PAPOLA: variants seen among roughly 807,000 people sequenced by gnomAD.
PAPOLA encodes the protein poly(A) polymerase alpha.
PAPOLA carries 15 observed loss-of-function variants against 100.6 expected under a neutral mutation model. The ratio of observed to expected loss-of-function variants is 0.15; its 90% CI spans 0.10 to 0.23. PAPOLA has a LOEUF of 0.23. Ranked by LOEUF, PAPOLA falls within the 10% of genes least tolerant of loss-of-function variation. The pLI is 1.00. For synonymous variants in PAPOLA, 293 were observed against 300.0 expected, an observed-to-expected ratio of 0.98 and a Z score of 0.24; for missense variants, 533 against 884.2, an observed-to-expected ratio of 0.60 and a Z score of 5.04.
intron 10 of PAPOLA, 81 bp downstream of exon 10, chr14:96,534,644 T>G: frequency 2.5e-6 from 4 of 1,605,526 alleles, no homozygotes; most frequent in Non-Finnish European, 3.4e-6. Context: ...CCAGGGAGAC[T>G]TCCAGCCTTT....
chr14:96,527,950 T>C lies in PAPOLA; in HGVS notation c.442-3T>C, dbSNP rs763197708. The C allele has an allele frequency of 5.0e-6, 8 of 1,602,286 alleles. No homozygotes were observed. In the East Asian group the frequency reaches 1.3e-4, roughly 27 times the overall value. ...ACCCTGAACTTGTTTACTTTCCTTA[T>C]AGGCTGTTGAAGAGGCATTCGTACC... On this transcript the variant is annotated splice_region_variant and splice_polypyrimidine_tract_variant and intron_variant, in intron 5 of 21. Coordinates refer to ENST00000216277, the MANE Select transcript of PAPOLA (RefSeq NM_032632.5).
intron 19 of PAPOLA, among the ~76,000 whole-genome samples, chr14:96,557,347 A>G (rs935373110): frequency 6.6e-6 from 1 of 152,240 alleles, no homozygotes; most frequent in African/African-American, 2.4e-5. Context: ...ATGCTTTGCA[A>G]GCTGGTATTA....
At chr14:96,534,443 A>G (rs1227524039) in intron 9 of PAPOLA, 48 bp from the exon 10 acceptor site, 2 of 1,597,728 alleles carry the variant, frequency 1.3e-6, no homozygotes, top group African/African-American at 1.3e-5. Context: ...ATACGTTTAG[A>G]TGGTAATATC....
At chr14:96,534,613 T>TAA (rs745555758) in intron 10 of PAPOLA, 50 bp downstream of exon 10, 1 of 1,612,824 alleles carries the variant, frequency 6.2e-7, no homozygotes, top group Non-Finnish European at 8.5e-7. Context: ...CAATAACAAG[T>TAA]AAAAATCATC....
chr14:96,519,958 A>T, intron 1 of PAPOLA, 97 bp from the exon 2 acceptor site: 1 of 1,043,530 alleles, frequency 9.6e-7, no homozygotes, highest in Non-Finnish European at 1.4e-6. Flanking sequence ...AATCATGTTT[A>T]GAAATGTGTG....
At chr14:96,531,692 A>C in intron 7 of PAPOLA, 106 bp downstream of exon 7, 1 of 1,523,472 alleles carries the variant, frequency 6.6e-7, no homozygotes. Flanking sequence ...TTGTTAACAC[A>C]GTAGTGAGTT....
intron 3 of PAPOLA, among the ~76,000 whole-genome samples, chr14:96,524,159 T>C (rs1336506888): frequency 6.6e-6 from 1 of 152,090 alleles, no homozygotes; most frequent in Non-Finnish European, 1.5e-5. Context: ...AATAGATATT[T>C]TATTATACTG....
chr14:96,502,377 G>C (rs1394778466), upstream of PAPOLA: 4 of 697,984 alleles, frequency 5.7e-6, no homozygotes, highest in East Asian at 8.2e-5. Flanking sequence ...GGCGTCAGCA[G>C]TTCTAGAACG....
chr14:96,529,657 G>A (rs771697611), intron 6 of PAPOLA, among the ~76,000 whole-genome samples: 1 of 151,994 alleles, frequency 6.6e-6, no homozygotes, highest in African/African-American at 2.4e-5. Flanking sequence ...GGGAAGTGGA[G>A]GTTGCAGTGA....
intron 20 of PAPOLA, 101 bp downstream of exon 20, chr14:96,560,812 A>AT (rs894881454): frequency 1.0e-5 from 8 of 784,698 alleles, no homozygotes; most frequent in Non-Finnish European, 1.5e-5. Context: ...TAGGTTTTAG[A>AT]TTTTTTTAGT....
chr14:96,545,069 C>T (rs1900278512), intron 15 of PAPOLA, among the ~76,000 whole-genome samples: 1 of 152,044 alleles, frequency 6.6e-6, no homozygotes, highest in Non-Finnish European at 1.5e-5. Flanking sequence ...ATCCTTTTCT[C>T]TCGCAGATAC....
rs767122302 is a variant in PAPOLA at position 96,502,547 on chromosome 14, G to A, written c.-46G>A. On this transcript the variant is annotated 5_prime_UTR_variant, in exon 1 of 22. Coordinates refer to ENST00000216277, the MANE Select transcript of PAPOLA (RefSeq NM_032632.5). The stretch of plus-strand genomic sequence containing the variant: ...GATCATGCCCAGGGCGGCAGCGGCG[G>A]CGGTTGCGGGGGGGAAGTGACTGGG... 2 of 1,483,160 alleles carry A rather than the reference G, an allele frequency of 1.3e-6. No individual in the cohort carries two copies. Among genetic ancestry groups the A allele is most frequent in the East Asian group, 4.9e-5 (2 of 40,608 alleles). The allele number at this position is 1,483,160 out of a possible 1,614,324, so 91.9% of individuals were successfully genotyped here. A position where few individuals can be genotyped will look rare whatever the true frequency, so the allele number is the denominator to read the frequency against.
intron 12 of PAPOLA, chr14:96,541,949 G>GC (rs1481003373): frequency 2.9e-5 from 6 of 204,876 alleles, no homozygotes; most frequent in Non-Finnish European, 4.9e-5. Flanking sequence ...TATAGGCAGA[G>GC]CACTCAATCG....
chr14:96,564,184 G>C (rs1350891515), intron 21 of PAPOLA, among the ~76,000 whole-genome samples: 1 of 152,028 alleles, frequency 6.6e-6, no homozygotes, highest in East Asian at 1.9e-4. Context: ...ATTGTTTTGA[G>C]ATAAATCTGG....
chr14:96,504,743 A>G (rs1896594583), intron 1 of PAPOLA: 1 of 152,234 alleles, frequency 6.6e-6, no homozygotes, highest in South Asian at 2.1e-4. Context: ...GAGAGACCAA[A>G]GAATGCCTAG....
chr14:96,507,280 G>GTTTTTTTTTTTTTTTTTTTTTTTTTTTTT (rs71103533), intron 1 of PAPOLA, among the ~76,000 whole-genome samples: 2 of 80,720 alleles, frequency 2.5e-5, no homozygotes, highest in African/African-American at 1.1e-4. Flanking sequence ...TTGGAAAATA[G>GTTTTTTTTTTTTTTTTTTTTTTTTTTTTT]TTTTTTTTTT....
At chr14:96,550,709 A>G (rs1336223841) in intron 16 of PAPOLA, among the ~76,000 whole-genome samples, 1 of 152,152 alleles carries the variant, frequency 6.6e-6, no homozygotes, top group Non-Finnish European at 1.5e-5. Flanking sequence ...ATCTCTTTAT[A>G]TAGCTACAGT....
chr14:96,525,920 T>C (rs967777590), intron 4 of PAPOLA: 3 of 152,176 alleles, frequency 2.0e-5, no homozygotes, highest in African/African-American at 7.2e-5. Flanking sequence ...TCTACATATA[T>C]ATCATTTTCC....
chr14:96,505,512 A>G (rs749553205), intron 1 of PAPOLA, among the ~76,000 whole-genome samples: 1 of 152,216 alleles, frequency 6.6e-6, no homozygotes, highest in Non-Finnish European at 1.5e-5. Flanking sequence ...TGCCACATGC[A>G]TAGAATGTTG....
Sources: gnomAD v4.1 joint callset for allele counts (sites outside exome capture counted in the v4.1 genomes callset) on GRCh38, gnomAD v4.1.1 for gene constraint, MANE v1.5 for transcripts, NCBI Gene and HGNC (gene_info 2026-07-23, HGNC 2026-07-21) for gene names.